HTRA4: variants seen among roughly 807,000 people sequenced by gnomAD.
HTRA4 encodes serine protease HTRA4.
A neutral mutation model predicts 49.1 loss-of-function variants in HTRA4; 46 were observed. The observed-to-expected ratio is 0.94, with a 90% confidence interval of 0.74 to 1.20. HTRA4 has a LOEUF of 1.20. Ranked by LOEUF, HTRA4 falls within the 50% of genes most tolerant of loss-of-function variation. HTRA4 has a pLI of 0.00. For missense variants in HTRA4, 602 were observed against 636.9 expected, an observed-to-expected ratio of 0.95 and a Z score of 0.59; for synonymous variants, 261 against 264.0, an observed-to-expected ratio of 0.99 and a Z score of 0.11.
intron 5 of HTRA4, among the ~76,000 whole-genome samples, chr8:38,980,663 G>A (rs558204634): frequency 1.3e-5 from 2 of 152,000 alleles, no homozygotes; most frequent in Non-Finnish European, 1.5e-5. Flanking sequence ...GCTTGAACCC[G>A]GGAGGCAGAG....
intron 1 of HTRA4, 37 bp downstream of exon 1, chr8:38,974,766 T>C: frequency 7.1e-7 from 1 of 1,416,534 alleles, no homozygotes; most frequent in Non-Finnish European, 9.2e-7. Context: ...GAACACTTTC[T>C]AACTCTGGAG....
intron 5 of HTRA4, among the ~76,000 whole-genome samples, chr8:38,981,296 G>A (rs1016352130): frequency 5.9e-5 from 9 of 151,390 alleles, no homozygotes; most frequent in Non-Finnish European, 1.2e-4. Context: ...AGCCAGGATG[G>A]TCTCGATCTC....
chr8:38,987,316 T>C (rs1239472401), intron 8 of HTRA4, among the ~76,000 whole-genome samples: 1 of 152,216 alleles, frequency 6.6e-6, no homozygotes, highest in Non-Finnish European at 1.5e-5. Flanking sequence ...GAAGCAATTA[T>C]GTTGAAGGCA....
intron 5 of HTRA4, among the ~76,000 whole-genome samples, chr8:38,980,720 A>G (rs7016729): frequency 0.033 from 4,980 of 152,004 alleles, 263 homozygotes; most frequent in African/African-American, 0.11. Flanking sequence ...CCTGGGCAAC[A>G]CAGTGAGACT....
Position 38,978,163 on chromosome 8 carries a change from C to A in HTRA4, c.966+16C>A. The stretch of plus-strand genomic sequence containing the variant: ...CACAATTAATGTAAGTCACTTAGGA[C>A]AGAGGTGCCCAACCCATGGGCTGTG... On this transcript the variant is annotated intron_variant, in intron 4 of 8. Coordinates refer to ENST00000302495, the MANE Select transcript of HTRA4 (RefSeq NM_153692.4). 1 of 1,600,648 alleles carries A rather than the reference C, an allele frequency of 6.2e-7. No homozygotes were observed. The highest frequency in any genetic ancestry group is 8.5e-7 in the Non-Finnish European group (1 of 1,172,278).
At chr8:38,981,080 T>TTTTTG (rs1564179056) in intron 5 of HTRA4, among the ~76,000 whole-genome samples, 15 of 129,080 alleles carry the variant, frequency 1.2e-4, no homozygotes, top group African/African-American at 4.4e-4. Flanking sequence ...TTTTTTTTTT[T>TTTTTG]TTTTTTTTTT....
intron 7 of HTRA4, 103 bp downstream of exon 7, chr8:38,982,658 C>A: frequency 1.9e-6 from 2 of 1,049,426 alleles, no homozygotes; most frequent in Non-Finnish European, 3.0e-6. Flanking sequence ...CAGCCAGGTA[C>A]TCTTGTGACC....
At chr8:38,979,349 C>T (rs1835392352) in intron 5 of HTRA4, 102 bp downstream of exon 5, 1 of 1,060,130 alleles carries the variant, frequency 9.4e-7, no homozygotes, top group Admixed American at 1.7e-5. Context: ...AATCCCAGCA[C>T]ATTTGGGATG....
rs773305917 is a variant in HTRA4, at chr8:38,985,161, C to CTT, written c.1268+2130_1268+2131dup. Among the ~76,000 whole-genome samples the CTT allele has an allele frequency of 2.5e-3, 325 of 130,684 alleles. 12 individuals carry two copies. The highest frequency in any genetic ancestry group is 4.6e-3 in the Admixed American group (56 of 12,144). The allele number at this position is 130,684 out of a possible 152,430, so 85.7% of individuals were successfully genotyped here. A position where few individuals can be genotyped will look rare whatever the true frequency, so the allele number is the denominator to read the frequency against. On this transcript the variant is annotated intron_variant, in intron 8 of 8. Coordinates refer to ENST00000302495, the MANE Select transcript of HTRA4 (RefSeq NM_153692.4). Reference sequence around the variant, plus strand: ...TCTCCTGGGCTTTTCTGTTGTACTTCTTTTTTTTTTTTTTTTTTGAGACGG... The same window carrying CTT: ...TCTCCTGGGCTTTTCTGTTGTACTTCTTTTTTTTTTTTTTTTTTTTGAGACGG...
intron 8 of HTRA4, among the ~76,000 whole-genome samples, chr8:38,986,242 T>C (rs1835481307): frequency 6.6e-6 from 1 of 152,192 alleles, no homozygotes; most frequent in African/African-American, 2.4e-5. Flanking sequence ...CTTACAAAAC[T>C]TTTACTATAT....
chr8:38,982,669 A>C, intron 7 of HTRA4, 114 bp downstream of exon 7: 1 of 922,754 alleles, frequency 1.1e-6, no homozygotes, highest in South Asian at 1.4e-5. Context: ...TCTTGTGACC[A>C]TAGGCCCTAT....
chr8:38,974,559 G>GC lies in HTRA4; in HGVS notation c.300dup (p.Gly101ArgfsTer109). On this transcript the variant is annotated frameshift_variant, in exon 1 of 9. Transcript: ENST00000302495. LOFTEE classifies it high-confidence loss of function. Reference sequence around the variant, plus strand: ...GGGCTGCAGTGCCTCCAGCCGCTGCGCCCCGGGTTCCCCAGCACCTGCGGT... The same window carrying GC: ...GGGCTGCAGTGCCTCCAGCCGCTGCGCCCCCGGGTTCCCCAGCACCTGCGGT... 1 of 1,403,952 alleles carries GC rather than the reference G, an allele frequency of 7.1e-7. No individual in the cohort carries two copies. Among genetic ancestry groups the GC allele is most frequent in the Non-Finnish European group, 9.2e-7 (1 of 1,087,564 alleles). The allele number at this position is 1,403,952 out of a possible 1,614,324, so 87.0% of individuals were successfully genotyped here. A position where few individuals can be genotyped will look rare whatever the true frequency, so the allele number is the denominator to read the frequency against.
intron 8 of HTRA4, among the ~76,000 whole-genome samples, chr8:38,984,370 T>C (rs565284047): frequency 1.7e-4 from 26 of 150,644 alleles, no homozygotes; most frequent in Non-Finnish European, 3.1e-4. Flanking sequence ...CCTAGCACTT[T>C]GGGAGGCTGA....
intron 8 of HTRA4, among the ~76,000 whole-genome samples, chr8:38,985,283 C>A (rs1160240929): frequency 6.6e-6 from 1 of 151,964 alleles, no homozygotes; most frequent in Non-Finnish European, 1.5e-5. Context: ...GCCTCAGCCT[C>A]CCGAGGAGCT....
chr8:38,979,528 A>G (rs1835393926), intron 5 of HTRA4, among the ~76,000 whole-genome samples: 1 of 152,184 alleles, frequency 6.6e-6, no homozygotes, highest in Non-Finnish European at 1.5e-5. Context: ...ACCTTAAGTC[A>G]ATAGTTAGAA....
At chr8:38,987,343 G>A (rs1775859367) in intron 8 of HTRA4, among the ~76,000 whole-genome samples, 1 of 152,146 alleles carries the variant, frequency 6.6e-6, no homozygotes, top group Non-Finnish European at 1.5e-5. Context: ...TCACAACTTT[G>A]GAGAAAAGGA....
At chr8:38,984,408 T>C (rs1181781194) in intron 8 of HTRA4, among the ~76,000 whole-genome samples, 3 of 149,998 alleles carry the variant, frequency 2.0e-5, no homozygotes, top group South Asian at 2.2e-4. Flanking sequence ...AGCCTGAGAG[T>C]TCGAGACCAG....
At chr8:38,977,187 C>T (rs750288281) in intron 3 of HTRA4, among the ~76,000 whole-genome samples, 7 of 151,972 alleles carry the variant, frequency 4.6e-5, no homozygotes, top group East Asian at 1.9e-4. Context: ...CCGCCCGCTT[C>T]GGCCTCCCAA....
rs759929204 is a variant in HTRA4 at position 38,979,207 on chromosome 8, G to C, written c.967-8G>C. 6 of 1,611,278 alleles carry C rather than the reference G, an allele frequency of 3.7e-6. No individual in the cohort carries two copies. Among genetic ancestry groups the C allele is most frequent in the Non-Finnish European group, 5.1e-6 (6 of 1,177,452 alleles). ...TTCACTGATGTCTTTTTCAAATTCT[G>C]CTTTTAGTATGGGAATTCTGGTGGT... On this transcript the variant is annotated splice_region_variant and splice_polypyrimidine_tract_variant and intron_variant, in intron 4 of 8. Coordinates refer to ENST00000302495, the MANE Select transcript of HTRA4 (RefSeq NM_153692.4).
Sources: allele counts gnomAD v4.1 joint callset (sites outside exome capture counted in the v4.1 genomes callset), GRCh38; gene constraint gnomAD v4.1.1; transcripts MANE v1.5; gene names NCBI Gene and HGNC (gene_info 2026-07-23, HGNC 2026-07-21).